The following ERCC3 variants were observed in gnomAD, a reference collection of about 807,000 sequenced individuals.
ERCC3 encodes general transcription and DNA repair factor IIH helicase/translocase subunit XPB.
Under a neutral mutation model 94.2 loss-of-function variants are expected in ERCC3, and 66 were observed. The observed-to-expected ratio is 0.70, with a 90% confidence interval of 0.57 to 0.86. The LOEUF is 0.86. Ranked by LOEUF, ERCC3 falls within the 40% of genes least tolerant of loss-of-function variation. The pLI is 0.00. For missense variants in ERCC3, 829 were observed against 987.1 expected (o/e 0.84, Z 2.15); for synonymous variants, 349 against 369.1 (o/e 0.95, Z 0.63).
intron 8 of ERCC3, among the ~76,000 whole-genome samples, chr2:127,283,811 A>G (rs536957132): frequency 6.6e-6 from 1 of 152,318 alleles, no homozygotes; most frequent in East Asian, 1.9e-4. Flanking sequence ...CCTGATGACT[A>G]ATGAGGTTGA....
At position 127,280,248 on chromosome 2, in the gene ERCC3, A is replaced by G. The variant is rs1684865903; in HGVS notation, c.1527+199T>C. ...ATCATCACAAATTCAGGGGTATGTG[A>G]GATATGTGACAAGACAGAAGATATG... On this transcript the variant is annotated intron_variant, in intron 9 of 14. Coordinates refer to ENST00000285398, the MANE Select transcript of ERCC3 (RefSeq NM_000122.2). The surrounding 1 kb of genome is among the most constrained non-coding windows in gnomAD (Gnocchi z 6.3). Among the ~76,000 whole-genome samples the G allele has an allele frequency of 6.6e-6, 1 of 152,220 alleles. No homozygotes were observed. The highest frequency in any genetic ancestry group is 1.5e-5 in the Non-Finnish European group (1 of 68,038).
chr2:127,290,023 G>C, intron 4 of ERCC3, 199 bp from the exon 5 acceptor site: 1 of 776,292 alleles, frequency 1.3e-6, no homozygotes. Context: ...GCAGGGGCCT[G>C]AGCCCAGCTC....
Position 127,271,281 on chromosome 2 carries a change from TA to T in ERCC3, c.1945+54del. On this transcript the variant is annotated intron_variant, in intron 12 of 14. Coordinates refer to ENST00000285398, the MANE Select transcript of ERCC3 (RefSeq NM_000122.2). The surrounding 1 kb of genome is among the most constrained non-coding windows in gnomAD (Gnocchi z 5.0). ...CTCTCACCCCTATCGTCTTCCTAAC[TA>T]AAGTGGTTTAAGAGGAGTGACCTCC... 8.2e-7 allele frequency: 1 copy of T among 1,221,708 alleles called. No homozygotes were observed. Among genetic ancestry groups the T allele is most frequent in the Non-Finnish European group, 1.2e-6 (1 of 821,674 alleles). The allele number at this position is 1,221,708 out of a possible 1,614,324, so 75.7% of individuals were successfully genotyped here.
intron 10 of ERCC3, among the ~76,000 whole-genome samples, chr2:127,275,647 G>C (rs1369092902): frequency 1.3e-5 from 2 of 152,208 alleles, no homozygotes; most frequent in Admixed American, 6.5e-5. Context: ...TGCTGTGGGA[G>C]GAAGGATGGG....
Position 127,259,689 on chromosome 2 carries a change from C to G in ERCC3, c.2065-241G>C. On this transcript the variant is annotated intron_variant, in intron 13 of 14. Coordinates refer to ENST00000285398, the MANE Select transcript of ERCC3 (RefSeq NM_000122.2). This position sits in a 1 kb window ranked among gnomAD's most constrained non-coding sequence, Gnocchi z 4.9. ...TGCAGGAATTTCAGAGAAATCTGCC[C>G]CCAGCACACAGCATCTAAATGATCA... The G allele has an allele frequency of 1.8e-6, 1 of 548,938 alleles. No individual in the cohort carries two copies. Among genetic ancestry groups the G allele is most frequent in the Non-Finnish European group, 3.3e-6 (1 of 305,160 alleles). The allele number at this position is 548,938 out of a possible 1,614,324, so 34.0% of individuals were successfully genotyped here.
At position 127,289,452 on chromosome 2, in the gene ERCC3, G is replaced by A. The variant is rs2104775991; in HGVS notation, c.707C>T (p.Thr236Ile). 1.2e-6 allele frequency: 2 copies of A among 1,613,080 alleles called. No homozygotes were observed. Among genetic ancestry groups the A allele is most frequent in the South Asian group, 1.1e-5 (1 of 91,018 alleles). Residue 236 changes from threonine (T) to isoleucine (I), a missense_variant, in exon 6 of 15, where the codon ACA becomes ATA. Physicochemically the swap from Thr to Ile is moderately conservative, Grantham distance 89. Transcript: ENST00000285398. ...GATGTCAGATTTACCCTGTGGATCT[G>A]TCACTCGGGAAGTGGAGGGCCCACC... Reference protein sequence around the residue: ...SSGGPSTSRVTDPQGKSDIPM... With the variant: ...SSGGPSTSRVIDPQGKSDIPM...
intron 6 of ERCC3, among the ~76,000 whole-genome samples, chr2:127,289,091 A>C (rs765737908): frequency 1.3e-5 from 2 of 152,218 alleles, no homozygotes; most frequent in Non-Finnish European, 2.9e-5. Context: ...TTCAGGCACC[A>C]TTTCTCACAT....
rs1461394652 is a variant in ERCC3 at position 127,279,417 on chromosome 2, A to G, written c.1528-42T>C. 6.9e-7 allele frequency: 1 copy of G among 1,448,972 alleles called. No homozygotes were observed. The highest frequency in any genetic ancestry group is 9.7e-7 in the Non-Finnish European group (1 of 1,029,484). The allele number at this position is 1,448,972 out of a possible 1,614,324, so 89.8% of individuals were successfully genotyped here. A position where few individuals can be genotyped will look rare whatever the true frequency, so the allele number is the denominator to read the frequency against. On this transcript the variant is annotated intron_variant, in intron 9 of 14. Coordinates refer to ENST00000285398, the MANE Select transcript of ERCC3 (RefSeq NM_000122.2). The surrounding 1 kb of genome is among the most constrained non-coding windows in gnomAD (Gnocchi z 4.7). ...ACCAGGGGTCATTTTACAAGTTTAA[A>G]CACCACACAATTTAAAACTTTTGAA...
In ERCC3 at chr2:127,292,683, G is replaced by A; in HGVS notation, c.398C>T (p.Thr133Ile). The A allele has an allele frequency of 6.2e-7, 1 of 1,614,158 alleles. No homozygotes were observed. Among genetic ancestry groups the A allele is most frequent in the East Asian group, 2.2e-5 (1 of 44,880 alleles). The change falls in exon 3 of 15, where the codon ACC (threonine) becomes ATC (isoleucine). Residue 133 changes from threonine (T) to isoleucine (I), a missense_variant. Physicochemically the swap from Thr to Ile is moderately conservative, Grantham distance 89. Coordinates refer to ENST00000285398, the MANE Select transcript of ERCC3 (RefSeq NM_000122.2). ...CCTGAGGTACTCGGTGATGTCACTG[G>A]TTTGCAGCCCAACGCTGACAGCTGC... ...LYAAVSVGLQTSDITEYLRKL... is the reference protein window; with the variant it reads ...LYAAVSVGLQISDITEYLRKL...
Position 127,292,907 on chromosome 2 carries a change from T to C in ERCC3, c.235-61A>G, listed in dbSNP as rs2271026. 0.063 allele frequency: 65,399 copies of C among 1,039,230 alleles called. 2,705 individuals are homozygous for C. The highest frequency in any genetic ancestry group is 0.17 in the African/African-American group (10,794 of 64,118). 64.4% of individuals were successfully genotyped at this position (1,039,230 alleles called of 1,614,324 possible). A position where few individuals can be genotyped will look rare whatever the true frequency, so the allele number is the denominator to read the frequency against. On this transcript the variant is annotated intron_variant, in intron 2 of 14. Transcript: ENST00000285398. Reference sequence around the variant, plus strand: ...ACATGAGTTGCAGAGACTACTGGGCTCTTGCCCATATCATTATCAAGAAAG... The same window carrying C: ...ACATGAGTTGCAGAGACTACTGGGCCCTTGCCCATATCATTATCAAGAAAG...
chr2:127,292,532 G>T, intron 3 of ERCC3, 78 bp downstream of exon 3: 1 of 957,382 alleles, frequency 1.0e-6, no homozygotes. Context: ...GGCTGCCACA[G>T]GCTGACAACA....
At position 127,259,296 on chromosome 2, in the gene ERCC3, C is replaced by T. The variant is rs1020769499; in HGVS notation, c.2217G>A (p.Gln739=). Residue 739 remains glutamine (Q), a splice_region_variant and synonymous_variant, in exon 14 of 15, where the codon CAG becomes CAA. Transcript: ENST00000285398. This position sits in a 1 kb window ranked among gnomAD's most constrained non-coding sequence, Gnocchi z 4.9. ...GGAACCTCCTCACCCATTTACTCACCTGGCTGGATCTGGAGCCAAATTCCC... is the reference window on the plus strand; with the variant it reads ...GGAACCTCCTCACCCATTTACTCACTTGGCTGGATCTGGAGCCAAATTCCC... ...VAGEFGSRSS[Q]ASRRFGTMSS... The T allele has an allele frequency of 6.2e-7, 1 of 1,614,230 alleles. No individual in the cohort carries two copies. Among genetic ancestry groups the T allele is most frequent in the Non-Finnish European group, 8.5e-7 (1 of 1,180,040 alleles).
In ERCC3 at chr2:127,292,281, C is replaced by T. The variant is rs112293888; in HGVS notation, c.471+329G>A. ...TCCCCAGCACACTCACTTTGGGCTG[C>T]ATTTCCAAATTCTCCCTGGCTACAA... On this transcript the variant is annotated intron_variant, in intron 3 of 14. Transcript: ENST00000285398. 1.7e-4 allele frequency: 76 copies of T among 435,600 alleles called. 1 individual carries two copies. The highest frequency in any genetic ancestry group is 1.4e-3 in the African/African-American group (71 of 50,180). 27.0% of individuals were successfully genotyped at this position (435,600 alleles called of 1,614,324 possible).
At chr2:127,289,667 G>T in intron 5 of ERCC3, 22 bp downstream of exon 5, 2 of 1,613,856 alleles carry the variant, frequency 1.2e-6, no homozygotes, top group African/African-American at 2.7e-5. Flanking sequence ...CCCACCCAAG[G>T]GTGGCCCAGG....
In ERCC3 at chr2:127,286,947, G is replaced by C. The variant is rs984881713; in HGVS notation, c.1098C>G (p.Asn366Lys). ...TVRKRCLVLG[N>K]SAVSVEQWKA... ...TCCACTGCTCCACAGAAACAGCTGA[G>C]TTGCCCAGCACCAGACAGCGTTTTC... The change falls in exon 8 of 15, where the codon AAC becomes AAG. Residue 366 changes from asparagine (N) to lysine (K), a missense_variant. Physicochemically the swap from Asn to Lys is moderately conservative, Grantham distance 94. Coordinates refer to ENST00000285398, the MANE Select transcript of ERCC3 (RefSeq NM_000122.2). 6.2e-7 allele frequency: 1 copy of C among 1,614,132 alleles called. No homozygotes were observed. The highest frequency in any genetic ancestry group is 1.7e-5 in the Admixed American group (1 of 60,018).
In ERCC3 at chr2:127,294,055, G is replaced by T; in HGVS notation, c.27C>A (p.Arg9=). The part of the protein sequence containing the change: MGKRDRAD[R]DKKKSRKRHY... The stretch of plus-strand genomic sequence containing the variant: ...GAGCGTGCCCGCGCAACGTCTCACC[G>T]CGGTCCGCTCGGTCTCTTTTGCCCA... The change falls in exon 1 of 15, where the codon CGC becomes CGA. Residue 9 remains arginine, a splice_region_variant and synonymous_variant. Coordinates refer to ENST00000285398, the MANE Select transcript of ERCC3 (RefSeq NM_000122.2). The T allele has an allele frequency of 6.2e-7, 1 of 1,607,106 alleles. No individual in the cohort carries two copies.
Position 127,274,623 on chromosome 2 carries a change from C to T in ERCC3, c.1731-1662G>A, listed in dbSNP as rs966796789. On this transcript the variant is annotated intron_variant, in intron 10 of 14. Transcript: ENST00000285398. This position sits in a 1 kb window ranked among gnomAD's most constrained non-coding sequence, Gnocchi z 4.0. ...TTAGCCCAGTCACAAGCTGCCTTGC[C>T]GTGATCCAGAATGTCCCGGCCACCA... Among the ~76,000 whole-genome samples the T allele has an allele frequency of 1.3e-5, 2 of 152,180 alleles. No individual in the cohort carries two copies. Among genetic ancestry groups the T allele is most frequent in the Admixed American group, 6.5e-5 (1 of 15,280 alleles).
intron 12 of ERCC3, among the ~76,000 whole-genome samples, chr2:127,268,840 T>C (rs2104744100): frequency 6.6e-6 from 1 of 152,372 alleles, no homozygotes; most frequent in Non-Finnish European, 1.5e-5. Flanking sequence ...TAATAACTTT[T>C]ACCTTTTCGC....
At position 127,286,873 on chromosome 2, in the gene ERCC3, C is replaced by T. The variant is rs201840181; in HGVS notation, c.1172G>A (p.Arg391Gln). The change falls in exon 8 of 15, where the codon CGG becomes CAG. Residue 391 changes from arginine (R) to glutamine (Q), a missense_variant. Physicochemically the swap from Arg to Gln is conservative, Grantham distance 43. Coordinates refer to ENST00000285398, the MANE Select transcript of ERCC3 (RefSeq NM_000122.2). ...CTTGTCCTTGGCATCGGAGGTGAAC[C>T]GGCAGATCTGGCTGTCGTCAATGGT... ...WSTIDDSQIC[R>Q]FTSDAKDKPI... 3.7e-6 allele frequency: 6 copies of T among 1,614,150 alleles called. No homozygotes were observed. The highest frequency in any genetic ancestry group is 3.3e-5 in the South Asian group (3 of 91,082).
Sources: allele counts gnomAD v4.1 joint callset (sites outside exome capture counted in the v4.1 genomes callset), GRCh38; gene constraint gnomAD v4.1.1; non-coding constraint Gnocchi (gnomAD v3.1); transcripts MANE v1.5; gene names NCBI Gene and HGNC (gene_info 2026-07-23, HGNC 2026-07-21).